GRID2: variants seen among roughly 807,000 people sequenced by gnomAD.
The protein encoded by GRID2 is glutamate ionotropic receptor delta type subunit 2.
GRID2 carries 33 observed loss-of-function variants against 114.8 expected under a neutral mutation model. The observed-to-expected ratio is 0.29, with a 90% CI of 0.22 to 0.38. GRID2 has a LOEUF of 0.38. Ranked by LOEUF, GRID2 falls within the 10% of genes least tolerant of loss-of-function variation. GRID2 has a pLI of 1.00. For missense variants in GRID2, 1,184 were observed against 1,257.7 expected (o/e 0.94, Z 0.89); for synonymous variants, 505 against 449.9 (o/e 1.12, Z -1.55).
In GRID2 at chr4:93,597,900, G is replaced by A. The variant is rs114416881; in HGVS notation, c.2194-28369G>A. Among the ~76,000 whole-genome samples the A allele has an allele frequency of 3.9e-3, 589 of 152,090 alleles. 2 individuals are homozygous for A. The highest frequency in any genetic ancestry group is 0.014 in the African/African-American group (565 of 41,488). ...TTCCATCTACTGAATTTCATTTTTT[G>A]CTACTCTATATTTGATACCTCTGGA... On this transcript the variant is annotated intron_variant, in intron 13 of 15. Transcript: ENST00000282020.
At chr4:93,073,027 CAT>C (rs1405267462) in intron 2 of GRID2, among the ~76,000 whole-genome samples, 12 of 152,156 alleles carry the variant, frequency 7.9e-5, no homozygotes, top group African/African-American at 2.9e-4. Flanking sequence ...TTGCAAGTAA[CAT>C]AGTGTGAGCA....
intron 2 of GRID2, among the ~76,000 whole-genome samples, chr4:92,708,566 A>T (rs914468729): frequency 6.6e-6 from 1 of 152,216 alleles, no homozygotes; most frequent in Admixed American, 6.5e-5. Flanking sequence ...CTCATCTGCA[A>T]TAAAAATTGT....
At chr4:93,059,275 T>C (rs994992975) in intron 2 of GRID2, among the ~76,000 whole-genome samples, 1 of 152,164 alleles carries the variant, frequency 6.6e-6, no homozygotes, top group Non-Finnish European at 1.5e-5. Flanking sequence ...CCAACTTTTA[T>C]TGAAGTCTGA....
intron 2 of GRID2, among the ~76,000 whole-genome samples, chr4:92,756,829 T>G (rs1432844820): frequency 1.3e-5 from 2 of 152,104 alleles, no homozygotes; most frequent in African/African-American, 4.8e-5. Context: ...GTTGAGTTGT[T>G]TAAGTTCTTT....
chr4:92,578,116 T>A (rs62310095), intron 1 of GRID2, among the ~76,000 whole-genome samples: 52,855 of 122,882 alleles, frequency 0.43, 11,276 homozygotes, highest in African/African-American at 0.51. Flanking sequence ...TCTTCTTCTT[T>A]TTCTTATTAT....
At chr4:92,472,852 A>G (rs1722110819) in intron 1 of GRID2, among the ~76,000 whole-genome samples, 1 of 151,938 alleles carries the variant, frequency 6.6e-6, no homozygotes, top group African/African-American at 2.4e-5. Context: ...ATTTGCATGT[A>G]TTTTCTCACC....
chr4:93,517,969 ATACATG>A (rs201444843), intron 13 of GRID2, among the ~76,000 whole-genome samples: 69 of 31,292 alleles, frequency 2.2e-3, no homozygotes, highest in African/African-American at 0.01. Flanking sequence ...ATGTATATAC[ATACATG>A]TACATGTATG....
At chr4:92,882,093 C>T (rs563038026) in intron 2 of GRID2, among the ~76,000 whole-genome samples, 5 of 152,150 alleles carry the variant, frequency 3.3e-5, no homozygotes, top group Admixed American at 3.3e-4. Flanking sequence ...TTCAATTATT[C>T]CTACTTAAAT....
Position 92,697,259 on chromosome 4 carries a change from G to A in GRID2, c.244+106973G>A, listed in dbSNP as rs539526509. Among the ~76,000 whole-genome samples, 5 of 152,226 alleles carry A rather than the reference G, an allele frequency of 3.3e-5. No homozygotes were observed. In the East Asian group the frequency reaches 9.7e-4, roughly 29 times the overall value. The stretch of plus-strand genomic sequence containing the variant: ...TGGAAGGCTTTTTGGAGTAGGTGGA[G>A]TTTGCAAAACCCCTTACATAACAGA... On this transcript the variant is annotated intron_variant, in intron 2 of 15. Transcript: ENST00000282020.
chr4:92,901,390 G>A (rs1224025199), intron 2 of GRID2, among the ~76,000 whole-genome samples: 2 of 152,016 alleles, frequency 1.3e-5, no homozygotes, highest in African/African-American at 4.8e-5. Context: ...CTGGATGTTA[G>A]TATTTTTCAG....
chr4:93,113,103 G>C (rs1279605457), intron 4 of GRID2, among the ~76,000 whole-genome samples: 3 of 152,308 alleles, frequency 2.0e-5, no homozygotes, highest in East Asian at 1.9e-4. Flanking sequence ...GAGTATGTTT[G>C]AGAGTTCAAT....
At chr4:92,330,175 C>T (rs1347922741) in intron 1 of GRID2, among the ~76,000 whole-genome samples, 1 of 152,072 alleles carries the variant, frequency 6.6e-6, no homozygotes, top group Non-Finnish European at 1.5e-5. Context: ...ATAACACTAT[C>T]ATGTCATAGA....
At chr4:92,407,965 T>C (rs544085035) in intron 1 of GRID2, among the ~76,000 whole-genome samples, 2 of 152,292 alleles carry the variant, frequency 1.3e-5, no homozygotes, top group Admixed American at 6.5e-5. Context: ...ATTTTTGTGT[T>C]TGTTGAAGTT....
intron 13 of GRID2, among the ~76,000 whole-genome samples, chr4:93,543,062 G>A (rs1366185620): frequency 2.6e-5 from 4 of 152,164 alleles, no homozygotes; most frequent in African/African-American, 9.7e-5. Context: ...CTAATAACAG[G>A]TCACTGATTC....
chr4:92,924,108 A>G (rs1056830972), intron 2 of GRID2, among the ~76,000 whole-genome samples: 15 of 152,210 alleles, frequency 9.9e-5, no homozygotes, highest in Admixed American at 9.8e-4. Flanking sequence ...AGGGACATGG[A>G]TGAAGCTGGA....
intron 2 of GRID2, among the ~76,000 whole-genome samples, chr4:92,792,897 T>A (rs1285202092): frequency 6.7e-6 from 1 of 149,278 alleles, no homozygotes; most frequent in Non-Finnish European, 1.5e-5. Context: ...ATATCCATTT[T>A]TTTTTTTTTT....
At chr4:93,093,229 T>C (rs554880952) in intron 3 of GRID2, among the ~76,000 whole-genome samples, 8 of 152,028 alleles carry the variant, frequency 5.3e-5, no homozygotes, top group Non-Finnish European at 1.0e-4. Context: ...CATTCATAGA[T>C]CAGGCTTTCG....
chr4:93,461,500 G>A (rs1202589015), intron 11 of GRID2, among the ~76,000 whole-genome samples: 1 of 152,058 alleles, frequency 6.6e-6, no homozygotes, highest in Non-Finnish European at 1.5e-5. Context: ...ATTGAATAGG[G>A]ATAAAGAGGC....
At chr4:92,549,121 G>GC (rs1726440632) in intron 1 of GRID2, among the ~76,000 whole-genome samples, 2 of 63,256 alleles carry the variant, frequency 3.2e-5, no homozygotes, top group Admixed American at 1.6e-4. Context: ...TAGGTCTTCC[G>GC]CAAAAAAAAA....
Sources: allele counts gnomAD v4.1 joint callset (sites outside exome capture counted in the v4.1 genomes callset), GRCh38; gene constraint gnomAD v4.1.1; transcripts MANE v1.5; gene names NCBI Gene and HGNC (gene_info 2026-07-23, HGNC 2026-07-21).